Variants in WRN observed in about 807,000 individuals in gnomAD.
WRN encodes the protein WRN RecQ like helicase, also known as bifunctional 3'-5' exonuclease/ATP-dependent helicase WRN.
WRN carries 149 observed loss-of-function variants against 180.7 expected under a neutral mutation model. The observed-to-expected ratio is 0.82, with a 90% CI of 0.72 to 0.94. The LOEUF (loss-of-function observed/expected upper bound fraction) is 0.94. WRN is among the 40% of genes least tolerant of loss of function. The pLI, the probability that WRN is intolerant of heterozygous loss-of-function variation, is 0.00. For missense variants in WRN, 1,661 were observed against 1,700.1 expected (o/e 0.98, Z 0.40); for synonymous variants, 548 against 568.9 (o/e 0.96, Z 0.52).
Position 31,071,258 on chromosome 8 carries a change from C to T in WRN, c.724+2931C>T, listed in dbSNP as rs149843557. ...GGCCATGGTAAGGAGTTTATATCTC[C>T]TCCCAAGAGCAATCGAAGTGACTGA... On this transcript the variant is annotated intron_variant, in intron 7 of 34. Transcript: ENST00000298139. Among the ~76,000 whole-genome samples the T allele has an allele frequency of 2.3e-3, 349 of 152,030 alleles. 2 individuals are homozygous for T. Among genetic ancestry groups the T allele is most frequent in the South Asian group, 5.2e-3 (25 of 4,798 alleles).
intron 24 of WRN, among the ~76,000 whole-genome samples, chr8:31,135,813 C>CTCTTT (rs1414650719): frequency 4.6e-5 from 7 of 151,380 alleles, no homozygotes; most frequent in Non-Finnish European, 8.8e-5. Context: ...CTCTTCTCTT[C>CTCTTT]TCTTCTCTCT....
intron 7 of WRN, among the ~76,000 whole-genome samples, chr8:31,069,034 G>A (rs1009642315): frequency 5.9e-5 from 9 of 152,280 alleles, no homozygotes; most frequent in African/African-American, 1.4e-4. Flanking sequence ...CATAATGTCC[G>A]TTTTACCGTT....
chr8:31,118,103 C>T (rs992909508), intron 20 of WRN, among the ~76,000 whole-genome samples: 1 of 152,070 alleles, frequency 6.6e-6, no homozygotes, highest in African/African-American at 2.4e-5. Flanking sequence ...ATTCATGTTA[C>T]GTTGTGACAG....
chr8:31,047,386 C>T lies in WRN; in HGVS notation c.-76-10986C>T, dbSNP rs578058237. On this transcript the variant is annotated intron_variant, in intron 1 of 34. Transcript: ENST00000298139. Reference sequence around the variant, plus strand: ...CAAGCCAGCCTCCTGCCTTAGCCTCCCAAAGTGCTGGGATTGCTGGCACGT... The same window carrying T: ...CAAGCCAGCCTCCTGCCTTAGCCTCTCAAAGTGCTGGGATTGCTGGCACGT... Among the ~76,000 whole-genome samples, 6 of 152,234 alleles carry T rather than the reference C, an allele frequency of 3.9e-5. No individual in the cohort carries two copies. In the South Asian group the frequency reaches 1.2e-3, roughly 32 times the overall value.
intron 1 of WRN, among the ~76,000 whole-genome samples, chr8:31,036,005 C>T (rs1254235799): frequency 2.6e-5 from 4 of 152,178 alleles, no homozygotes; most frequent in East Asian, 1.9e-4. Context: ...TTAACAGCCT[C>T]TCTTCATTCC....
intron 18 of WRN, among the ~76,000 whole-genome samples, chr8:31,102,650 A>G (rs1259949743): frequency 6.6e-6 from 1 of 152,194 alleles, no homozygotes; most frequent in Non-Finnish European, 1.5e-5. Context: ...AAGATGGTAT[A>G]CCTGTATAGG....
chr8:31,131,242 G>A (rs539994386), intron 23 of WRN, among the ~76,000 whole-genome samples: 17 of 143,232 alleles, frequency 1.2e-4, no homozygotes, highest in Non-Finnish European at 2.4e-4. Context: ...TGCAACCTCC[G>A]CCTCTCAGAT....
At chr8:31,165,748 G>A (rs1803831056) in intron 33 of WRN, among the ~76,000 whole-genome samples, 1 of 152,046 alleles carries the variant, frequency 6.6e-6, no homozygotes, top group African/African-American at 2.4e-5. Context: ...TTTAAAATTT[G>A]AAGACAAATA....
chr8:31,044,810 G>C (rs937433994), intron 1 of WRN, among the ~76,000 whole-genome samples: 5 of 152,060 alleles, frequency 3.3e-5, no homozygotes, highest in African/African-American at 1.2e-4. Context: ...ATGTGTCATT[G>C]TTTATTTACC....
At chr8:31,120,539 A>G (rs1447889133) in intron 21 of WRN, 115 bp downstream of exon 21, 2 of 930,498 alleles carry the variant, frequency 2.1e-6, no homozygotes, top group African/African-American at 4.0e-5. Flanking sequence ...GTGCATTTAA[A>G]GTAAAAAAAA....
intron 32 of WRN, among the ~76,000 whole-genome samples, chr8:31,155,419 T>C (rs1803343762): frequency 6.6e-6 from 1 of 151,974 alleles, no homozygotes; most frequent in Non-Finnish European, 1.5e-5. Context: ...GGCCAGGGAT[T>C]TGAGACCAGT....
At chr8:31,138,312 T>G (rs538779609) in intron 24 of WRN, among the ~76,000 whole-genome samples, 1 of 152,198 alleles carries the variant, frequency 6.6e-6, no homozygotes, top group Non-Finnish European at 1.5e-5. Flanking sequence ...TTATTTTACT[T>G]ACAAAAATAA....
intron 7 of WRN, among the ~76,000 whole-genome samples, chr8:31,071,991 A>G (rs748149525): frequency 6.6e-6 from 1 of 152,180 alleles, no homozygotes; most frequent in Non-Finnish European, 1.5e-5. Flanking sequence ...ATGTTAAGGG[A>G]GGGAGACCTG....
At chr8:31,090,095 A>G (rs1212160202) in intron 13 of WRN, among the ~76,000 whole-genome samples, 3 of 151,726 alleles carry the variant, frequency 2.0e-5, no homozygotes, top group African/African-American at 7.3e-5. Flanking sequence ...TCTTATCAAG[A>G]GATATTATTA....
chr8:31,048,888 C>A (rs1232140897), intron 1 of WRN, among the ~76,000 whole-genome samples: 1 of 152,132 alleles, frequency 6.6e-6, no homozygotes, highest in Non-Finnish European at 1.5e-5. Context: ...TCCTTGAAAT[C>A]TCTTTTTTAA....
intron 11 of WRN, among the ~76,000 whole-genome samples, chr8:31,086,059 C>T (rs1305161576): frequency 2.0e-5 from 3 of 151,856 alleles, no homozygotes; most frequent in Non-Finnish European, 1.5e-5. Flanking sequence ...TATTCCTTTA[C>T]CTCTAATTTC....
chr8:31,164,917 T>C (rs1803791423), intron 33 of WRN, among the ~76,000 whole-genome samples: 1 of 152,144 alleles, frequency 6.6e-6, no homozygotes, highest in Non-Finnish European at 1.5e-5. Context: ...GCCACTTATT[T>C]GCATATATAT....
chr8:31,082,905 CTTTA>C (rs1221083611), intron 9 of WRN, among the ~76,000 whole-genome samples: 1 of 152,060 alleles, frequency 6.6e-6, no homozygotes, highest in Non-Finnish European at 1.5e-5. Flanking sequence ...GTATTGCTTT[CTTTA>C]TTCGTTAAAT....
At chr8:31,150,532 C>A (rs1439936967) in intron 31 of WRN, 77 bp downstream of exon 31, 20 of 1,236,542 alleles carry the variant, frequency 1.6e-5, no homozygotes, top group Non-Finnish European at 2.4e-5. Context: ...CCTCCAGAAG[C>A]AACATTTGCT....
Sources: gnomAD v4.1 joint callset for allele counts (sites outside exome capture counted in the v4.1 genomes callset) on GRCh38, gnomAD v4.1.1 for gene constraint, MANE v1.5 for transcripts, NCBI Gene and HGNC (gene_info 2026-07-23, HGNC 2026-07-21) for gene names.